SAMD12: variants seen among roughly 807,000 people sequenced by gnomAD.
The protein encoded by SAMD12 is sterile alpha motif domain-containing protein 12.
In SAMD12, 9 loss-of-function variants were observed where a neutral mutation model predicts 15.0. The observed-to-expected ratio is 0.60, with a 90% CI of 0.36 to 1.05. SAMD12 has a LOEUF of 1.05. Among genes scored for constraint, SAMD12 ranks in the 50% least tolerant of loss-of-function variants. The probability of loss-of-function intolerance (pLI) is 0.01; values close to 1 mark genes in which losing one functional copy is unlikely to be tolerated. For missense variants in SAMD12, 230 were observed against 234.2 expected (o/e 0.98, Z 0.12); for synonymous variants, 86 against 90.1 (o/e 0.96, Z 0.25).
intron 3 of SAMD12, among the ~76,000 whole-genome samples, chr8:118,385,105 A>G (rs1217686468): frequency 2.0e-5 from 3 of 152,104 alleles, no homozygotes; most frequent in Non-Finnish European, 4.4e-5. Flanking sequence ...GCTCCACTAG[A>G]ATGGCAGTAA....
intron 2 of SAMD12, among the ~76,000 whole-genome samples, chr8:118,544,636 G>A (rs1432535608): frequency 2.0e-5 from 3 of 152,130 alleles, no homozygotes; most frequent in African/African-American, 7.2e-5. Context: ...AGACCCAAGG[G>A]AAAAACCGCC....
chr8:118,514,930 G>C (rs1300496077), intron 2 of SAMD12, among the ~76,000 whole-genome samples: 2 of 152,170 alleles, frequency 1.3e-5, no homozygotes, highest in Admixed American at 6.5e-5. Flanking sequence ...GAGGTGATTG[G>C]ATCATGCGAA....
At chr8:118,255,626 T>G (rs978157293) in intron 4 of SAMD12, among the ~76,000 whole-genome samples, 1 of 150,988 alleles carries the variant, frequency 6.6e-6, no homozygotes, top group Non-Finnish European at 1.5e-5. Flanking sequence ...GTCCTTGCGA[T>G]AGTTTACTGA....
intron 2 of SAMD12, among the ~76,000 whole-genome samples, chr8:118,560,656 A>AT (rs955174432): frequency 1.4e-4 from 21 of 151,622 alleles, no homozygotes; most frequent in Admixed American, 6.6e-4. Context: ...AACATACCTT[A>AT]TTTTTTTTTC....
intron 4 of SAMD12, among the ~76,000 whole-genome samples, chr8:118,232,764 C>T (rs1812345027): frequency 6.6e-6 from 1 of 152,110 alleles, no homozygotes; most frequent in Non-Finnish European, 1.5e-5. Context: ...TATTCTTGAC[C>T]TGAGTCACAT....
rs183890506 is a variant in SAMD12, at chr8:118,528,410, A to C, written c.192+52305T>G. On this transcript the variant is annotated intron_variant, in intron 2 of 3. Transcript: ENST00000314727. ...AGTCTGAAATAGTAACATAGGGATT[A>C]ATTTCTTCCTGATATGTAGACAACT... Among the ~76,000 whole-genome samples the C allele has an allele frequency of 1.2e-4, 18 of 152,286 alleles. 1 individual carries two copies. The highest frequency in any genetic ancestry group is 3.8e-4 in the African/African-American group (16 of 41,568).
chr8:118,160,888 C>A, the SAMD12 span, among the ~76,000 whole-genome samples: 1 of 152,042 alleles, frequency 6.6e-6, no homozygotes, highest in Non-Finnish European at 1.5e-5. Context: ...GTGTGCTTCA[C>A]CCATTAAACT....
At chr8:118,277,302 G>A (rs1057187208) in intron 4 of SAMD12, among the ~76,000 whole-genome samples, 5 of 152,100 alleles carry the variant, frequency 3.3e-5, no homozygotes, top group African/African-American at 9.7e-5. Context: ...TGTTATCTCC[G>A]TGAAGTAGAG....
rs189697821 is a variant in SAMD12, at chr8:118,569,193, T to A, written c.192+11522A>T. Among the ~76,000 whole-genome samples the A allele has an allele frequency of 4.6e-3, 702 of 152,238 alleles. 2 individuals carry two copies. The highest frequency in any genetic ancestry group is 0.015 in the African/African-American group (644 of 41,552). On this transcript the variant is annotated intron_variant, in intron 2 of 3. Coordinates refer to ENST00000314727, the MANE Select transcript of SAMD12 (RefSeq NM_207506.3). The stretch of plus-strand genomic sequence containing the variant: ...AACTTTGAGTAATGACATCATGCCA[T>A]AAGTAGAAAATTCTACTCTTGACCT...
the SAMD12 span, among the ~76,000 whole-genome samples, chr8:118,136,295 G>T: frequency 2.6e-5 from 4 of 152,136 alleles, 1 homozygote; most frequent in South Asian, 4.1e-4. Context: ...CTCCCAAAGT[G>T]CTGGGATTAC....
intron 4 of SAMD12, among the ~76,000 whole-genome samples, chr8:118,273,771 AC>A (rs5894421): frequency 0.022 from 3,372 of 152,272 alleles, 141 homozygotes; most frequent in African/African-American, 0.076. Context: ...GAGTACAGGC[AC>A]ACAGATGGGA....
In SAMD12 at chr8:118,425,217, C is replaced by T. The variant is rs564612998; in HGVS notation, c.322+14615G>A. ...CCTCCCAAAGTGCTGGGATTACAGG[C>T]GTGAGCCACCGTGCCCAGCTGTGGT... On this transcript the variant is annotated intron_variant, in intron 3 of 3. Transcript: ENST00000314727. Among the ~76,000 whole-genome samples the T allele has an allele frequency of 6.6e-5, 10 of 152,218 alleles. No individual in the cohort carries two copies. The East Asian group carries it at 1.5e-3, about 24-fold the overall frequency.
At chr8:118,576,586 C>T (rs869745) in intron 2 of SAMD12, among the ~76,000 whole-genome samples, 3,106 of 152,284 alleles carry the variant, frequency 0.02, 103 homozygotes, top group African/African-American at 0.071. Context: ...TCTTCCTGTG[C>T]TAGAGTACCC....
intron 4 of SAMD12, among the ~76,000 whole-genome samples, chr8:118,305,390 G>T (rs1308728319): frequency 6.6e-6 from 1 of 151,976 alleles, no homozygotes; most frequent in Admixed American, 6.6e-5. Flanking sequence ...AATCATATTT[G>T]TCCTTTTGTA....
intron 4 of SAMD12, among the ~76,000 whole-genome samples, chr8:118,359,581 A>C (rs1053050190): frequency 1.8e-4 from 28 of 152,312 alleles, no homozygotes; most frequent in African/African-American, 6.5e-4. Context: ...ATGGTATCTA[A>C]GAGCATCGCG....
At chr8:118,534,974 G>T (rs1050515814) in intron 2 of SAMD12, among the ~76,000 whole-genome samples, 7 of 152,176 alleles carry the variant, frequency 4.6e-5, no homozygotes, top group Non-Finnish European at 8.8e-5. Context: ...TCTCCATCCA[G>T]CCTTGTTCCA....
At chr8:118,163,853 A>T in the SAMD12 span, among the ~76,000 whole-genome samples, 3 of 149,602 alleles carry the variant, frequency 2.0e-5, no homozygotes, top group South Asian at 2.2e-4. Context: ...CCAGCCTGGG[A>T]GACAGAGCGA....
At chr8:118,565,104 C>T (rs566095596) in intron 2 of SAMD12, among the ~76,000 whole-genome samples, 24 of 152,268 alleles carry the variant, frequency 1.6e-4, no homozygotes, top group African/African-American at 4.8e-4. Flanking sequence ...ATAACTATCA[C>T]GACAGTGCTG....
intron 4 of SAMD12, among the ~76,000 whole-genome samples, chr8:118,232,737 A>T (rs879932946): frequency 1.3e-5 from 2 of 152,044 alleles, no homozygotes; most frequent in Non-Finnish European, 2.9e-5. Context: ...GAGAAAGGGG[A>T]GGAAGGTTGA....
Sources: allele counts gnomAD v4.1 joint callset (sites outside exome capture counted in the v4.1 genomes callset), GRCh38; gene constraint gnomAD v4.1.1; transcripts MANE v1.5; gene names NCBI Gene and HGNC (gene_info 2026-07-23, HGNC 2026-07-21).